Variants in SHTN1 observed in about 807,000 individuals in gnomAD.
The protein encoded by SHTN1 is shootin 1.
SHTN1 carries 42 observed loss-of-function variants against 83.1 expected under a neutral mutation model. That is an observed-to-expected ratio of 0.51 (90% confidence interval 0.39 to 0.65). The LOEUF (loss-of-function observed/expected upper bound fraction) is 0.65, where lower values mean the gene tolerates loss of function less well. Ranked by LOEUF, SHTN1 falls within the 30% of genes least tolerant of loss-of-function variation. The pLI is 0.00. For missense variants in SHTN1, 622 were observed against 737.8 expected (o/e 0.84, Z 1.82); for synonymous variants, 224 against 247.7 (o/e 0.90, Z 0.90).
At chr10:116,954,344 G>A (rs1849897758) in intron 4 of SHTN1, 134 bp from the exon 5 acceptor site, 2 of 546,040 alleles carry the variant, frequency 3.7e-6, no homozygotes, top group Admixed American at 7.0e-5. Flanking sequence ...AACAATTAGT[G>A]GATTCATTAA....
At chr10:116,900,996 AAG>A in intron 16 of SHTN1, 2 of 985,442 alleles carry the variant, frequency 2.0e-6, no homozygotes, top group Non-Finnish European at 2.4e-6. Context: ...AGTTACAAAA[AAG>A]GGGTTCTTTC....
chr10:116,893,257 G>C (rs1847395756), intron 16 of SHTN1, among the ~76,000 whole-genome samples: 1 of 151,956 alleles, frequency 6.6e-6, no homozygotes, highest in Non-Finnish European at 1.5e-5. Context: ...GAAGTGAAGG[G>C]ATCTCAACTT....
At chr10:117,050,418 A>G (rs1244116344) in intron 1 of SHTN1, among the ~76,000 whole-genome samples, 1 of 152,154 alleles carries the variant, frequency 6.6e-6, no homozygotes, top group Non-Finnish European at 1.5e-5. Flanking sequence ...AAAATAAAAT[A>G]CAATATATAA....
intron 9 of SHTN1, among the ~76,000 whole-genome samples, chr10:116,938,025 G>C (rs1288462774): frequency 6.6e-6 from 1 of 151,732 alleles, no homozygotes; most frequent in Non-Finnish European, 1.5e-5. Context: ...GGTCATTTAT[G>C]TTCTTCTCTA....
chr10:117,086,484 T>C (rs1853355428), intron 1 of SHTN1, among the ~76,000 whole-genome samples: 2 of 152,346 alleles, frequency 1.3e-5, no homozygotes, highest in Middle Eastern at 3.4e-3. Flanking sequence ...ACAATACTTG[T>C]AACTGATTTT....
At chr10:116,917,110 A>C (rs887052379) in intron 12 of SHTN1, among the ~76,000 whole-genome samples, 1 of 152,202 alleles carries the variant, frequency 6.6e-6, no homozygotes, top group African/African-American at 2.4e-5. Flanking sequence ...GGGACAGATA[A>C]GTAAATTATG....
In SHTN1 at chr10:116,885,059, A is replaced by C. The variant is rs1200445526; in HGVS notation, c.*1285T>G. 1 of 152,604 alleles carries C rather than the reference A, an allele frequency of 6.6e-6. No homozygotes were observed. The highest frequency in any genetic ancestry group is 1.5e-5 in the Non-Finnish European group (1 of 68,040). The allele number at this position is 152,604 out of a possible 1,614,324, so 9.5% of individuals were successfully genotyped here. On this transcript the variant is annotated 3_prime_UTR_variant, in exon 17 of 17. Coordinates refer to ENST00000355371, the MANE Select transcript of SHTN1 (RefSeq NM_001127211.3). ...CTTACAGAAAGATAATTATCTCCAA[A>C]TTTAGGAAGTACATGTACCTGCCTA... is the stretch of plus-strand genomic sequence containing the variant.
At chr10:117,054,531 G>C (rs980947999) in intron 1 of SHTN1, among the ~76,000 whole-genome samples, 1 of 150,294 alleles carries the variant, frequency 6.7e-6, no homozygotes, top group Non-Finnish European at 1.5e-5. Flanking sequence ...TCAGCCTCCC[G>C]AGTAGCTGGG....
chr10:117,085,142 A>G (rs974257939), intron 1 of SHTN1, among the ~76,000 whole-genome samples: 1 of 152,122 alleles, frequency 6.6e-6, no homozygotes, highest in African/African-American at 2.4e-5. Context: ...CCTGCTTTCA[A>G]TGTCATTGAT....
At chr10:117,015,791 ATCTT>A in intron 2 of SHTN1, among the ~76,000 whole-genome samples, 1 of 152,186 alleles carries the variant, frequency 6.6e-6, no homozygotes, top group Non-Finnish European at 1.5e-5. Flanking sequence ...ATGCTCAACA[ATCTT>A]TCTATTTCTT....
chr10:116,903,888 A>AT (rs1847854412), intron 15 of SHTN1, among the ~76,000 whole-genome samples: 1 of 152,210 alleles, frequency 6.6e-6, no homozygotes, highest in African/African-American at 2.4e-5. Flanking sequence ...GAGTATTATT[A>AT]TTGCATCCTG....
chr10:116,923,560 C>CTT (rs113330291), intron 11 of SHTN1, among the ~76,000 whole-genome samples: 9 of 143,838 alleles, frequency 6.3e-5, no homozygotes, highest in African/African-American at 2.3e-4. Context: ...CCTTTCTTTC[C>CTT]TTTTTTTTTT....
chr10:117,081,637 A>T (rs1853264233), intron 1 of SHTN1, among the ~76,000 whole-genome samples: 1 of 145,786 alleles, frequency 6.9e-6, no homozygotes, highest in African/African-American at 2.6e-5. Context: ...TACCTCTGGT[A>T]GAATTCGGCT....
intron 1 of SHTN1, among the ~76,000 whole-genome samples, chr10:117,110,951 C>G (rs1853758604): frequency 6.6e-6 from 1 of 152,088 alleles, no homozygotes; most frequent in Non-Finnish European, 1.5e-5. Context: ...AATCCCAGCA[C>G]TTTGGGAAGC....
At chr10:117,039,937 T>C (rs1852559718) in intron 2 of SHTN1, among the ~76,000 whole-genome samples, 1 of 151,622 alleles carries the variant, frequency 6.6e-6, no homozygotes, top group East Asian at 1.9e-4. Context: ...TTACATTCCA[T>C]TCAATTTTGC....
intron 1 of SHTN1, among the ~76,000 whole-genome samples, chr10:117,072,504 A>C (rs1853097130): frequency 6.6e-6 from 1 of 152,182 alleles, no homozygotes; most frequent in Non-Finnish European, 1.5e-5. Context: ...TGGTATCCAC[A>C]GCCAAGAGAC....
intron 4 of SHTN1, among the ~76,000 whole-genome samples, chr10:116,955,208 T>C (rs942892832): frequency 1.3e-5 from 2 of 152,110 alleles, no homozygotes; most frequent in Non-Finnish European, 2.9e-5. Context: ...ATTATCACCT[T>C]CTTTAGCTAA....
intron 1 of SHTN1, among the ~76,000 whole-genome samples, chr10:117,093,428 C>T (rs1003873941): frequency 2.6e-5 from 4 of 152,064 alleles, no homozygotes; most frequent in Non-Finnish European, 5.9e-5. Flanking sequence ...GCCTGTGGTT[C>T]CAGCTACTCG....
chr10:116,927,971 A>G (rs577662899), intron 10 of SHTN1, 80 bp from the exon 11 acceptor site: 1 of 1,497,400 alleles, frequency 6.7e-7, no homozygotes, highest in African/African-American at 1.4e-5. Flanking sequence ...AAAGAACATA[A>G]CCTTTCTCAA....
Sources: gnomAD v4.1 joint callset for allele counts (sites outside exome capture counted in the v4.1 genomes callset) on GRCh38, gnomAD v4.1.1 for gene constraint, MANE v1.5 for transcripts, NCBI Gene and HGNC (gene_info 2026-07-23, HGNC 2026-07-21) for gene names.